TBRG4: variants seen among roughly 807,000 people sequenced by gnomAD.
TBRG4 encodes FAST kinase domain-containing protein 4.
In TBRG4, 43 loss-of-function variants were observed where a neutral mutation model predicts 65.6. That is an observed-to-expected ratio of 0.66 (90% CI 0.51 to 0.85). TBRG4 has a LOEUF of 0.85. Among genes scored for constraint, TBRG4 ranks in the 40% least tolerant of loss-of-function variants. The pLI, the probability that TBRG4 is intolerant of heterozygous loss-of-function variation, is 0.00. For synonymous variants in TBRG4, 366 were observed against 341.4 expected, an observed-to-expected ratio of 1.07 and a Z score of -0.79; for missense variants, 709 against 787.9, an observed-to-expected ratio of 0.90 and a Z score of 1.20.
At chr7:45,106,695 G>A (rs973872253) in intron 2 of TBRG4, 2 of 152,342 alleles carry the variant, frequency 1.3e-5, no homozygotes, top group Non-Finnish European at 2.9e-5. Flanking sequence ...AAGATCACTT[G>A]AACCTGGAAG....
rs968305943 is a variant in TBRG4, at chr7:45,109,079, G to A, written c.159C>T (p.Ser53=). ...ATSPISHLPG[S]LMEPVEKERA... The stretch of plus-strand genomic sequence containing the variant: ...GTTCCTTCTCCACCGGCTCCATCAA[G>A]GAACCTGGGAGGTGGGAAATGGGTG... Residue 53 remains serine (S), a synonymous_variant, in exon 2 of 11, where the codon TCC becomes TCT. Transcript: ENST00000258770. 5 of 1,614,028 alleles carry A rather than the reference G, an allele frequency of 3.1e-6. No homozygotes were observed. The highest frequency in any genetic ancestry group is 4.5e-5 in the East Asian group (2 of 44,890).
At position 45,105,738 on chromosome 7, in the gene TBRG4, G is replaced by A. The variant is rs928771511; in HGVS notation, c.438C>T (p.Leu146=). Residue 146 remains leucine (L), a synonymous_variant, in exon 3 of 11, where the codon CTC becomes CTT. Coordinates refer to ENST00000258770, the MANE Select transcript of TBRG4 (RefSeq NM_004749.4). ...SQIASVWHGT[L]SKLLGSLYAL... ...CATACAGGCTTCCCAGCAGCTTCGA[G>A]AGGGTACCATGCCAGACCGAGGCAA... 6.2e-7 allele frequency: 1 copy of A among 1,612,414 alleles called. No homozygotes were observed. Among genetic ancestry groups the A allele is most frequent in the Non-Finnish European group, 8.5e-7 (1 of 1,179,006 alleles).
intron 4 of TBRG4, 36 bp downstream of exon 4, chr7:45,104,502 C>A: frequency 6.2e-7 from 1 of 1,613,546 alleles, no homozygotes; most frequent in Non-Finnish European, 8.5e-7. Flanking sequence ...AGGGCCAGCG[C>A]TCCCCTCTCT....
rs978062590 is a variant in TBRG4 at position 45,105,461 on chromosome 7, T to C, written c.715A>G (p.Met239Val). ...AGTACCTTGTCTTCCAGGCGGTTCA[T>C]TAGTGGCTCCGAGAGGTGTCCCACC... is the stretch of plus-strand genomic sequence containing the variant. ...MKVGHLSEPL[M>V]NRLEDKCLEL... The change falls in exon 3 of 11, where the codon ATG becomes GTG. Residue 239 changes from methionine (M) to valine (V), a missense_variant. Coordinates refer to ENST00000258770, the MANE Select transcript of TBRG4 (RefSeq NM_004749.4). 1.4e-5 allele frequency: 22 copies of C among 1,607,186 alleles called. No individual in the cohort carries two copies. The highest frequency in any genetic ancestry group is 2.7e-5 in the African/African-American group (2 of 74,822).
At position 45,104,536 on chromosome 7, in the gene TBRG4, A is replaced by ACC; in HGVS notation, c.907_907+1dup. ...CTCCACCGTTCTGTCCAAAGGGCTC[A>ACC]CCATAGGCATAGGCCACGTCCAAGA... On this transcript the variant is annotated splice_donor_variant, in intron 4 of 10. Transcript: ENST00000258770. LOFTEE classifies it high-confidence loss of function. The ACC allele has an allele frequency of 2.5e-6, 4 of 1,613,866 alleles. No homozygotes were observed. Among genetic ancestry groups the ACC allele is most frequent in the Non-Finnish European group, 3.4e-6 (4 of 1,179,990 alleles).
chr7:45,105,931 T>A (rs372518882), intron 2 of TBRG4, 167 bp from the exon 3 acceptor site: 246 of 919,660 alleles, frequency 2.7e-4, no homozygotes, highest in Non-Finnish European at 3.8e-4. Flanking sequence ...GCCTGGCTGC[T>A]CCTCACAGCC....
In TBRG4 at chr7:45,104,655, T is replaced by A; in HGVS notation, c.790A>T (p.Met264Leu). ...GPNELRKVLVMLAAQSRRSVP... is the reference protein window; with the variant it reads ...GPNELRKVLVLLAAQSRRSVP... ...GACCGCCGGCTCTGAGCTGCCAGCA[T>A]CACCAGCACCTTCCGCAGCTCATTG... Residue 264 changes from methionine to leucine, a missense_variant, in exon 4 of 11, where the codon ATG becomes TTG. By Grantham distance (15) the Met-to-Leu change is conservative. Coordinates refer to ENST00000258770, the MANE Select transcript of TBRG4 (RefSeq NM_004749.4). 1 of 1,613,938 alleles carries A rather than the reference T, an allele frequency of 6.2e-7. No homozygotes were observed. Among genetic ancestry groups the A allele is most frequent in the Non-Finnish European group, 8.5e-7 (1 of 1,180,028 alleles).
chr7:45,108,549 A>G (rs1170337850), intron 2 of TBRG4, among the ~76,000 whole-genome samples: 1 of 152,232 alleles, frequency 6.6e-6, no homozygotes, highest in East Asian at 1.9e-4. Flanking sequence ...AAAGCACCCA[A>G]AGAACTGAGA....
chr7:45,105,029 T>C (rs142999464), intron 3 of TBRG4: 4 of 718,412 alleles, frequency 5.6e-6, no homozygotes, highest in South Asian at 1.4e-5. Context: ...GGCACTGAAT[T>C]TGACTTGACT....
At chr7:45,103,958 T>C in intron 5 of TBRG4, 141 bp downstream of exon 5, 1 of 1,215,808 alleles carries the variant, frequency 8.2e-7, no homozygotes, top group Non-Finnish European at 1.1e-6. Flanking sequence ...CCTTTCAAAA[T>C]AAGCCAAAAT....
chr7:45,103,265 G>C, intron 6 of TBRG4, 68 bp downstream of exon 6: 1 of 1,324,632 alleles, frequency 7.5e-7, no homozygotes, highest in Non-Finnish European at 1.1e-6. Flanking sequence ...GATCTTGGGA[G>C]GACGGTTCAT....
chr7:45,109,096 A>C lies in TBRG4; in HGVS notation c.142T>G (p.Ser48Ala), dbSNP rs769254172. 5.6e-6 allele frequency: 9 copies of C among 1,614,116 alleles called. No homozygotes were observed. Among genetic ancestry groups the C allele is most frequent in the Non-Finnish European group, 6.8e-6 (8 of 1,179,998 alleles). ...TLTSSATSPI[S>A]HLPGSLMEPV... The stretch of plus-strand genomic sequence containing the variant: ...TCCATCAAGGAACCTGGGAGGTGGG[A>C]AATGGGTGAGGTGGCTGAGGAAGTC... The change falls in exon 2 of 11, where the codon TCC (serine) becomes GCC (alanine). Residue 48 changes from serine to alanine, a missense_variant. Coordinates refer to ENST00000258770, the MANE Select transcript of TBRG4 (RefSeq NM_004749.4).
intron 5 of TBRG4, 118 bp downstream of exon 5, chr7:45,103,981 T>A: frequency 3.8e-6 from 5 of 1,330,108 alleles, no homozygotes; most frequent in Non-Finnish European, 5.0e-6. Context: ...AAGAAATATG[T>A]ATTTGCCCCC....
At chr7:45,101,749 C>T in intron 8 of TBRG4, 76 bp downstream of exon 8, 1 of 1,597,936 alleles carries the variant, frequency 6.3e-7, no homozygotes, top group Non-Finnish European at 8.5e-7. Flanking sequence ...GTACTTGCTG[C>T]AGACGGGGTG....
chr7:45,110,551 C>T (rs1375243904), intron 1 of TBRG4, among the ~76,000 whole-genome samples: 1 of 151,254 alleles, frequency 6.6e-6, no homozygotes, highest in East Asian at 1.9e-4. Flanking sequence ...CCTGTAGTCC[C>T]AGCTACTAGG....
chr7:45,100,182 G>C lies in TBRG4; in HGVS notation c.*143C>G, dbSNP rs964340597. 1.6e-6 allele frequency: 1 copy of C among 633,390 alleles called. No homozygotes were observed. The highest frequency in any genetic ancestry group is 2.7e-6 in the Non-Finnish European group (1 of 366,340). The allele number at this position is 633,390 out of a possible 1,614,324, so 39.2% of individuals were successfully genotyped here. On this transcript the variant is annotated 3_prime_UTR_variant, in exon 11 of 11. Coordinates refer to ENST00000258770, the MANE Select transcript of TBRG4 (RefSeq NM_004749.4). ...AAAGGTTTATTATACACAAGAGGAC[G>C]TTCTGTCCCTCAGAGTGGCTGGCCA...
Position 45,104,522 on chromosome 7 carries a change from T to TGAGAGA in TBRG4, c.907+15_907+16insTCTCTC. The TGAGAGA allele has an allele frequency of 6.2e-7, 1 of 1,613,782 alleles. No homozygotes were observed. Among genetic ancestry groups the TGAGAGA allele is most frequent in the Non-Finnish European group, 8.5e-7 (1 of 1,179,964 alleles). ...CAGCGCTCCCCTCTCTCCACCGTTC[T>TGAGAGA]GTCCAAAGGGCTCACCATAGGCATA... On this transcript the variant is annotated intron_variant, in intron 4 of 10. Coordinates refer to ENST00000258770, the MANE Select transcript of TBRG4 (RefSeq NM_004749.4).
Position 45,109,226 on chromosome 7 carries a change from G to A in TBRG4, c.12C>T (p.His4=), listed in dbSNP as rs752547123. The change falls in exon 2 of 11, where the codon CAC becomes CAT. Residue 4 remains histidine (H), a synonymous_variant. Transcript: ENST00000258770. ...GGAGGCACGTGCATCGCTTTACCAG[G>A]TGAGCTGCCATGATGTCCTGGGTGG... MAA[H]LVKRCTCLLR... The A allele has an allele frequency of 1.3e-6, 2 of 1,596,260 alleles. No individual in the cohort carries two copies. The highest frequency in any genetic ancestry group is 1.7e-5 in the Admixed American group (1 of 57,454).
At chr7:45,104,874 T>A in intron 3 of TBRG4, 165 bp from the exon 4 acceptor site, 1 of 1,131,106 alleles carries the variant, frequency 8.8e-7, no homozygotes, top group Non-Finnish European at 1.3e-6. Flanking sequence ...GCCTGCCTCC[T>A]CATCCACCCC....
Sources: gnomAD v4.1 joint callset for allele counts (sites outside exome capture counted in the v4.1 genomes callset) on GRCh38, gnomAD v4.1.1 for gene constraint, MANE v1.5 for transcripts, NCBI Gene and HGNC (gene_info 2026-07-23, HGNC 2026-07-21) for gene names.